Variants in SECISBP2 observed in about 807,000 individuals in gnomAD.
SECISBP2 encodes SECIS binding protein 2.
A neutral mutation model predicts 98.2 loss-of-function variants in SECISBP2; 96 were observed. That is an observed-to-expected ratio of 0.98 (90% CI 0.83 to 1.16). The LOEUF is 1.16. Ranked by LOEUF, SECISBP2 falls within the 50% of genes most tolerant of loss-of-function variation. The pLI is 0.00. For synonymous variants in SECISBP2, 407 were observed against 370.2 expected (o/e 1.10, Z -1.14); for missense variants, 1,046 against 1,022.9 (o/e 1.02, Z -0.31).
At chr9:89,337,712 A>G (rs1239168884) in intron 7 of SECISBP2, among the ~76,000 whole-genome samples, 2 of 152,244 alleles carry the variant, frequency 1.3e-5, no homozygotes, top group Non-Finnish European at 1.5e-5. Flanking sequence ...CGCACTGGGT[A>G]TAAAGCAGGG....
At chr9:89,334,186 C>T in intron 6 of SECISBP2, 7 of 1,184,922 alleles carry the variant, frequency 5.9e-6, no homozygotes, top group South Asian at 1.7e-5. Flanking sequence ...ATCTTTAGTT[C>T]GTTAATTCTG....
intron 14 of SECISBP2, among the ~76,000 whole-genome samples, chr9:89,351,834 A>AG (rs1386008893): frequency 1.3e-5 from 2 of 152,166 alleles, no homozygotes; most frequent in Non-Finnish European, 2.9e-5. Flanking sequence ...AGGCCTTTCC[A>AG]GGTCATTGGA....
intron 2 of SECISBP2, chr9:89,322,079 C>T (rs571097299): frequency 1.3e-5 from 2 of 152,338 alleles, no homozygotes; most frequent in Admixed American, 6.5e-5. Context: ...TGTCCTCCTC[C>T]AGTACCTTTC....
intron 14 of SECISBP2, chr9:89,355,340 G>T: frequency 1.0e-6 from 1 of 985,414 alleles, no homozygotes; most frequent in Non-Finnish European, 1.2e-6. Flanking sequence ...CATATGCTGT[G>T]CCTTCCTCCA....
chr9:89,359,226 A>AGG lies in SECISBP2; in HGVS notation c.*404_*405dup. On this transcript the variant is annotated 3_prime_UTR_variant, in exon 17 of 17. Transcript: ENST00000375807. ...TCCTGCCTGCTGGAGGTTGCCATGG[A>AGG]GGGCCATTCCTGCCCGGCAACAGCA... 6.2e-6 allele frequency: 2 copies of AGG among 322,434 alleles called. No individual in the cohort carries two copies. Among genetic ancestry groups the AGG allele is most frequent in the South Asian group, 5.3e-5 (2 of 37,678 alleles). The allele number at this position is 322,434 out of a possible 1,614,324, so 20.0% of individuals were successfully genotyped here.
rs1213974207 is a variant in SECISBP2 at position 89,325,779 on chromosome 9, T to G, written c.432+103T>G. 3.1e-6 allele frequency: 5 copies of G among 1,591,852 alleles called. No homozygotes were observed. In the African/African-American group the frequency reaches 4.1e-5, roughly 13 times the overall value. Reference sequence around the variant, plus strand: ...TACATCATATTTAAGTATCATGTATTTTTTTGTATTTAACCTTTTAAAAAA... The same window carrying G: ...TACATCATATTTAAGTATCATGTATGTTTTTGTATTTAACCTTTTAAAAAA... On this transcript the variant is annotated intron_variant, in intron 3 of 16. Transcript: ENST00000375807.
At chr9:89,365,664 CAA>C in the SECISBP2 span, 10 of 152,228 alleles carry the variant, frequency 6.6e-5, no homozygotes, top group Admixed American at 2.6e-4. Context: ...ATTCCAGAGC[CAA>C]AAGAGTCCAA....
intron 16 of SECISBP2, 149 bp from the exon 17 acceptor site, chr9:89,358,572 A>G: frequency 1.4e-6 from 1 of 713,846 alleles, no homozygotes; most frequent in Non-Finnish European, 2.5e-6. Context: ...GGCTGAGAAC[A>G]GTGAGTGAAT....
intron 9 of SECISBP2, 71 bp from the exon 10 acceptor site, chr9:89,341,276 C>T: frequency 1.4e-6 from 2 of 1,394,894 alleles, no homozygotes; most frequent in Non-Finnish European, 2.0e-6. Context: ...ATCTTTACAT[C>T]AGTTTTTTGT....
At chr9:89,324,094 C>T (rs1019387112) in intron 2 of SECISBP2, 3 of 152,056 alleles carry the variant, frequency 2.0e-5, no homozygotes, top group Admixed American at 6.5e-5. Context: ...TCTGTCAACT[C>T]ATCTTTTATG....
intron 12 of SECISBP2, among the ~76,000 whole-genome samples, 184 bp downstream of exon 12, chr9:89,348,398 C>A (rs918988781): frequency 1.3e-5 from 2 of 152,166 alleles, no homozygotes; most frequent in African/African-American, 4.8e-5. Context: ...GGGAGTGTTT[C>A]TAGTCCCTCT....
At chr9:89,340,007 A>G in intron 9 of SECISBP2, 54 bp downstream of exon 9, 1 of 1,302,348 alleles carries the variant, frequency 7.7e-7, no homozygotes, top group Non-Finnish European at 1.1e-6. Flanking sequence ...TTCTGGCTCA[A>G]CTAAATGCTT....
chr9:89,325,319 T>G (rs1292915231), intron 2 of SECISBP2, 108 bp from the exon 3 acceptor site: 2 of 1,040,588 alleles, frequency 1.9e-6, no homozygotes, highest in East Asian at 4.9e-5. Context: ...AGTGCTAGAG[T>G]GAATGGTCTC....
intron 5 of SECISBP2, chr9:89,329,204 C>G (rs980589817): frequency 3.2e-6 from 1 of 308,080 alleles, no homozygotes; most frequent in Non-Finnish European, 6.2e-6. Flanking sequence ...CCTCCGCCTC[C>G]CGGGTTCAAG....
chr9:89,341,584 A>G, intron 10 of SECISBP2, 105 bp downstream of exon 10: 1 of 1,338,944 alleles, frequency 7.5e-7, no homozygotes, highest in Non-Finnish European at 1.1e-6. Flanking sequence ...TAGATAAAAC[A>G]GTGTGATGCT....
downstream of SECISBP2, chr9:89,363,673 T>C: frequency 6.3e-7 from 1 of 1,593,660 alleles, no homozygotes; most frequent in Non-Finnish European, 8.6e-7. Context: ...GCTGTTTTTT[T>C]CACTGCCATT....
intron 7 of SECISBP2, among the ~76,000 whole-genome samples, chr9:89,336,071 A>AT (rs1828622571): frequency 1.1e-5 from 1 of 88,270 alleles, no homozygotes; most frequent in Admixed American, 1.3e-4. Flanking sequence ...CCCTTAAGTA[A>AT]TTTTAAGTGC....
At position 89,350,686 on chromosome 9, in the gene SECISBP2, C is replaced by G; in HGVS notation, c.1947C>G (p.Leu649=). The G allele has an allele frequency of 6.2e-7, 1 of 1,614,194 alleles. No individual in the cohort carries two copies. The highest frequency in any genetic ancestry group is 8.5e-7 in the Non-Finnish European group (1 of 1,180,030). The stretch of plus-strand genomic sequence containing the variant: ...TGGATGCTTGTGTTACCGACCTACT[C>G]AAAGAACTGGTCCGTTTCCAAGACC... ...KEVDACVTDL[L]KELVRFQDRM... The change falls in exon 14 of 17, where the codon CTC becomes CTG. Residue 649 remains leucine, a synonymous_variant. Transcript: ENST00000375807.
intron 7 of SECISBP2, 85 bp from the exon 8 acceptor site, chr9:89,338,373 T>C: frequency 6.9e-7 from 1 of 1,459,214 alleles, no homozygotes; most frequent in Non-Finnish European, 9.4e-7. Context: ...TAGGACTTGA[T>C]ATCTTAATTT....
Sources: allele counts gnomAD v4.1 joint callset (sites outside exome capture counted in the v4.1 genomes callset), GRCh38; gene constraint gnomAD v4.1.1; transcripts MANE v1.5; gene names NCBI Gene and HGNC (gene_info 2026-07-23, HGNC 2026-07-21).